SMAD3: variants seen among roughly 807,000 people sequenced by gnomAD.
SMAD3 encodes the protein SMAD family member 3.
In SMAD3, 12 loss-of-function variants were observed where a neutral mutation model predicts 51.8. The ratio of observed to expected loss-of-function variants is 0.23; its 90% CI spans 0.15 to 0.38. The LOEUF (loss-of-function observed/expected upper bound fraction) is 0.38. Among genes scored for constraint, SMAD3 ranks in the 10% least tolerant of loss-of-function variants. The pLI, the probability that SMAD3 is intolerant of heterozygous loss-of-function variation, is 1.00. For missense variants in SMAD3, 294 were observed against 565.6 expected, an observed-to-expected ratio of 0.52 and a Z score of 4.87; for synonymous variants, 238 against 227.7, an observed-to-expected ratio of 1.05 and a Z score of -0.41.
chr15:67,168,129 A>G (rs1962641478), intron 4 of SMAD3, among the ~76,000 whole-genome samples: 2 of 152,156 alleles, frequency 1.3e-5, no homozygotes, highest in African/African-American at 4.8e-5. Context: ...TCATTTGTGT[A>G]TTTTTAGTAG....
chr15:67,142,592 C>T (rs765018270), intron 1 of SMAD3: 1 of 250,352 alleles, frequency 4.0e-6, no homozygotes, highest in Non-Finnish European at 8.2e-6. Flanking sequence ...GATCTGTACC[C>T]CACCCCCAAT....
intron 5 of SMAD3, among the ~76,000 whole-genome samples, chr15:67,172,697 T>C (rs552011524): frequency 2.0e-5 from 3 of 152,224 alleles, no homozygotes; most frequent in Non-Finnish European, 4.4e-5. Context: ...GGTGAACTCA[T>C]GTGTCCCAGA....
chr15:67,144,721 T>C (rs1961928997), intron 1 of SMAD3, among the ~76,000 whole-genome samples: 2 of 152,190 alleles, frequency 1.3e-5, no homozygotes, highest in Admixed American at 1.3e-4. Context: ...AAGACAGCTG[T>C]TATGCTGTCT....
chr15:67,176,731 G>T lies in SMAD3; in HGVS notation c.659-4510G>T, dbSNP rs79546387. On this transcript the variant is annotated intron_variant, in intron 5 of 8. Transcript: ENST00000327367. ...TTAGGCTGGCAGGGGGCCAGCCATG[G>T]ATTAAGTGCCCTATGGCACTTGAGA... Among the ~76,000 whole-genome samples the T allele has an allele frequency of 1.3e-3, 205 of 152,346 alleles. 2 individuals are homozygous for T. The highest frequency in any genetic ancestry group is 4.7e-3 in the African/African-American group (197 of 41,588).
intron 4 of SMAD3, among the ~76,000 whole-genome samples, chr15:67,168,015 G>A (rs972320796): frequency 1.1e-4 from 17 of 152,160 alleles, no homozygotes; most frequent in Non-Finnish European, 2.4e-4. Flanking sequence ...GTGTAGTAGC[G>A]CGATCTCAGC....
At chr15:67,177,737 T>C (rs866460358) in intron 5 of SMAD3, among the ~76,000 whole-genome samples, 10 of 152,024 alleles carry the variant, frequency 6.6e-5, no homozygotes, top group Admixed American at 2.0e-4. Context: ...TTTTTTGTTT[T>C]TTTTTTTGTT....
At chr15:67,179,505 C>T (rs1962994641) in intron 5 of SMAD3, among the ~76,000 whole-genome samples, 1 of 151,762 alleles carries the variant, frequency 6.6e-6, no homozygotes, top group Admixed American at 6.6e-5. Context: ...GTGTCCTAAT[C>T]CTCCAGCTGA....
At position 67,164,863 on chromosome 15, in the gene SMAD3, C is replaced by T. The variant is rs762818552; in HGVS notation, c.207-32C>T. 17 of 1,609,108 alleles carry T rather than the reference C, an allele frequency of 1.1e-5. No homozygotes were observed. In the East Asian group the frequency reaches 3.1e-4, roughly 30 times the overall value. On this transcript the variant is annotated intron_variant, in intron 1 of 8. Coordinates refer to ENST00000327367, the MANE Select transcript of SMAD3 (RefSeq NM_005902.4). ...CAGAAAGCAAGCACAATCCACATTT[C>T]CCTCTCTTTCTGCCCCTCCCCGTCC...
At chr15:67,104,384 A>G (rs535684516) in intron 1 of SMAD3, among the ~76,000 whole-genome samples, 25 of 152,230 alleles carry the variant, frequency 1.6e-4, no homozygotes, top group Non-Finnish European at 3.1e-4. Context: ...ATCTGATTCT[A>G]GAAGAAGATG....
intron 1 of SMAD3, among the ~76,000 whole-genome samples, chr15:67,117,813 C>T (rs902005693): frequency 2.0e-5 from 3 of 152,176 alleles, no homozygotes; most frequent in Non-Finnish European, 4.4e-5. Flanking sequence ...GAAATTTGGC[C>T]GGGTGCAGTG....
At chr15:67,126,854 G>A (rs1402492128) in intron 1 of SMAD3, among the ~76,000 whole-genome samples, 1 of 152,214 alleles carries the variant, frequency 6.6e-6, no homozygotes, top group Non-Finnish European at 1.5e-5. Flanking sequence ...TCACTGAATT[G>A]TGGAGTGGGG....
intron 1 of SMAD3, among the ~76,000 whole-genome samples, chr15:67,070,499 C>T (rs981811045): frequency 6.6e-6 from 1 of 151,958 alleles, no homozygotes; most frequent in African/African-American, 2.4e-5. Flanking sequence ...TTGGACCCTC[C>T]CATGTCTGAG....
intron 1 of SMAD3, among the ~76,000 whole-genome samples, chr15:67,066,668 A>T (rs749067309): frequency 1.3e-5 from 2 of 151,584 alleles, no homozygotes; most frequent in Admixed American, 1.3e-4. Context: ...GGCCGCCCCC[A>T]CTCCGGGGAG....
At position 67,165,438 on chromosome 15, in the gene SMAD3, C is replaced by G. The variant is rs1464029572; in HGVS notation, c.532+54C>G. On this transcript the variant is annotated intron_variant, in intron 3 of 8. Coordinates refer to ENST00000327367, the MANE Select transcript of SMAD3 (RefSeq NM_005902.4). ...TGGGAGGCAGGGGCAGCGGTCAGCC[C>G]CGACATCAGTCCTGTGGCCCCAATC... 2.5e-6 allele frequency: 4 copies of G among 1,602,910 alleles called. No homozygotes were observed. The East Asian group carries it at 6.7e-5, about 27-fold the overall frequency.
At chr15:67,134,542 G>A (rs1015483351) in intron 1 of SMAD3, among the ~76,000 whole-genome samples, 1 of 150,654 alleles carries the variant, frequency 6.6e-6, no homozygotes, top group East Asian at 2.0e-4. Flanking sequence ...TCTTACGCTC[G>A]GGGTGCCTTA....
chr15:67,074,904 C>G (rs1960135662), intron 1 of SMAD3, among the ~76,000 whole-genome samples: 1 of 152,144 alleles, frequency 6.6e-6, no homozygotes, highest in African/African-American at 2.4e-5. Flanking sequence ...TATTAAGAAA[C>G]ACTGTGTATG....
chr15:67,109,341 G>C (rs949048291), intron 1 of SMAD3, among the ~76,000 whole-genome samples: 2 of 152,204 alleles, frequency 1.3e-5, no homozygotes, highest in Non-Finnish European at 1.5e-5. Context: ...GGGTGACCTT[G>C]TGCAAGTCAC....
intron 8 of SMAD3, among the ~76,000 whole-genome samples, chr15:67,189,496 G>A (rs1186474852): frequency 6.6e-6 from 1 of 152,234 alleles, no homozygotes; most frequent in Non-Finnish European, 1.5e-5. Flanking sequence ...CCAGTCCTCT[G>A]TGGCCCACCG....
intron 1 of SMAD3, among the ~76,000 whole-genome samples, chr15:67,157,998 C>T (rs1402996978): frequency 1.3e-5 from 2 of 152,122 alleles, no homozygotes; most frequent in African/African-American, 2.4e-5. Context: ...GGAGAGATCT[C>T]AGTCATAAAT....
Sources: gnomAD v4.1 joint callset for allele counts (sites outside exome capture counted in the v4.1 genomes callset) on GRCh38, gnomAD v4.1.1 for gene constraint, MANE v1.5 for transcripts, NCBI Gene and HGNC (gene_info 2026-07-23, HGNC 2026-07-21) for gene names.